The following ITGB6 variants were observed in gnomAD, a reference collection of about 807,000 sequenced individuals.
ITGB6 encodes integrin beta-6.
ITGB6 carries 80 observed loss-of-function variants against 84.5 expected under a neutral mutation model. The ratio of observed to expected loss-of-function variants is 0.95; its 90% CI spans 0.79 to 1.14. ITGB6 has a LOEUF of 1.14. ITGB6 is among the 50% of genes most tolerant of loss of function. The probability of loss-of-function intolerance (pLI) is 0.00; values close to 1 mark genes in which losing one functional copy is unlikely to be tolerated. For synonymous variants in ITGB6, 383 were observed against 354.9 expected, an observed-to-expected ratio of 1.08 and a Z score of -0.89; for missense variants, 1,006 against 968.0, an observed-to-expected ratio of 1.04 and a Z score of -0.52.
At chr2:160,171,308 G>T (rs1685189197) in intron 6 of ITGB6, among the ~76,000 whole-genome samples, 2 of 150,868 alleles carry the variant, frequency 1.3e-5, no homozygotes, top group African/African-American at 4.9e-5. Flanking sequence ...ATCTCAGACT[G>T]CTGCTTCAGA....
chr2:160,136,439 T>G (rs1179611496), intron 10 of ITGB6, among the ~76,000 whole-genome samples: 2 of 152,110 alleles, frequency 1.3e-5, no homozygotes, highest in Non-Finnish European at 2.9e-5. Flanking sequence ...AGGAACACTT[T>G]TACACTGTTG....
At chr2:160,178,980 A>G (rs1288144703) in intron 4 of ITGB6, 1 of 152,094 alleles carries the variant, frequency 6.6e-6, no homozygotes, top group Admixed American at 6.6e-5. Flanking sequence ...TACAGGCAAG[A>G]GTTCATTTTC....
intron 12 of ITGB6, among the ~76,000 whole-genome samples, chr2:160,121,051 A>G (rs1216450717): frequency 6.6e-6 from 1 of 152,090 alleles, no homozygotes; most frequent in African/African-American, 2.4e-5. Context: ...CCTAAAACTT[A>G]AAGTATAATG....
chr2:160,180,068 A>G (rs1685601320), intron 4 of ITGB6, among the ~76,000 whole-genome samples: 1 of 150,480 alleles, frequency 6.6e-6, no homozygotes, highest in African/African-American at 2.4e-5. Context: ...AGCCAAGATC[A>G]TGCCATTGCA....
intron 4 of ITGB6, among the ~76,000 whole-genome samples, chr2:160,180,810 G>A (rs34997211): frequency 0.046 from 6,929 of 152,220 alleles, 206 homozygotes; most frequent in Middle Eastern, 0.13. Context: ...ACTGGGACTG[G>A]TTAGACAATG....
intron 7 of ITGB6, among the ~76,000 whole-genome samples, chr2:160,162,579 AAAT>A (rs1431948303): frequency 6.6e-6 from 1 of 152,138 alleles, no homozygotes; most frequent in Non-Finnish European, 1.5e-5. Context: ...CAAAATGTTA[AAAT>A]GTGAGAAAAC....
At chr2:160,175,982 T>C (rs1685404270) in intron 4 of ITGB6, among the ~76,000 whole-genome samples, 2 of 152,204 alleles carry the variant, frequency 1.3e-5, no homozygotes, top group Admixed American at 6.5e-5. Flanking sequence ...TCTTTCACAC[T>C]GAGTAAGGAT....
At chr2:160,188,074 T>C (rs189487947) in intron 4 of ITGB6, among the ~76,000 whole-genome samples, 12 of 152,348 alleles carry the variant, frequency 7.9e-5, no homozygotes, top group Admixed American at 5.9e-4. Flanking sequence ...TTCCCGTTTA[T>C]AGGTAATGAG....
intron 7 of ITGB6, among the ~76,000 whole-genome samples, chr2:160,156,024 C>T (rs1640000889): frequency 6.6e-6 from 1 of 152,184 alleles, no homozygotes; most frequent in Non-Finnish European, 1.5e-5. Context: ...TAAGCACACT[C>T]TGTGATCTAG....
intron 12 of ITGB6, among the ~76,000 whole-genome samples, chr2:160,114,451 T>A (rs1012120012): frequency 6.6e-6 from 1 of 151,856 alleles, no homozygotes; most frequent in Non-Finnish European, 1.5e-5. Context: ...AAGGAAGAAA[T>A]GTGAAAACAG....
intron 9 of ITGB6, 84 bp from the exon 10 acceptor site, chr2:160,137,935 A>G (rs1273343475): frequency 5.8e-6 from 9 of 1,539,850 alleles, no homozygotes; most frequent in South Asian, 1.2e-5. Flanking sequence ...CAGCTTTGCC[A>G]AAAGCATTTA....
At chr2:160,157,085 C>G (rs972393671) in intron 7 of ITGB6, among the ~76,000 whole-genome samples, 11 of 152,164 alleles carry the variant, frequency 7.2e-5, no homozygotes, top group African/African-American at 2.7e-4. Flanking sequence ...AGATGCAGCT[C>G]TCCAGTCTCT....
chr2:160,103,701 A>G, intron 14 of ITGB6, among the ~76,000 whole-genome samples: 1 of 152,196 alleles, frequency 6.6e-6, no homozygotes, highest in East Asian at 1.9e-4. Flanking sequence ...GAGAGACTCC[A>G]TTGAAGAAAC....
intron 7 of ITGB6, among the ~76,000 whole-genome samples, chr2:160,154,387 A>T (rs964150219): frequency 1.6e-4 from 24 of 151,416 alleles, no homozygotes; most frequent in African/African-American, 5.8e-4. Flanking sequence ...GAACAATGAG[A>T]ACTCTTGGAC....
chr2:160,137,531 C>T lies in ITGB6; in HGVS notation c.1563G>A (p.Gln521=), dbSNP rs1683792258. ...CSGRGDCYCG[Q]CICHLSPYGN... is the part of the protein sequence containing the mutation. ...CATAGGGAGACAAGTGGCAGATACA[C>T]TGCCCACAGTAGCAGTCACCCCTTC... is the stretch of plus-strand genomic sequence containing the variant. The change falls in exon 10 of 15, where the codon CAG becomes CAA. Residue 521 remains glutamine (Q), a synonymous_variant. Transcript: ENST00000283249. The T allele has an allele frequency of 1.2e-6, 2 of 1,614,120 alleles. No individual in the cohort carries two copies. Among genetic ancestry groups the T allele is most frequent in the Admixed American group, 1.7e-5 (1 of 60,014 alleles).
At chr2:160,162,866 C>A (rs1199701625) in intron 7 of ITGB6, among the ~76,000 whole-genome samples, 1 of 152,154 alleles carries the variant, frequency 6.6e-6, no homozygotes, top group Non-Finnish European at 1.5e-5. Context: ...GTGATCCACC[C>A]ACCTCGGCCC....
In ITGB6 at chr2:160,196,226, C is replaced by T; in HGVS notation, c.336G>A (p.Lys112=). ...CAAATCCTAACATACCTGGTCTCAA[C>T]TTAAGGATCAAGCTTTGAGGCGCAA... The part of the protein sequence containing the change: ...VQIAPQSLIL[K]LRPGGAQTLQ... The change falls in exon 3 of 15, where the codon AAG becomes AAA. Residue 112 remains lysine, a synonymous_variant. Coordinates refer to ENST00000283249, the MANE Select transcript of ITGB6 (RefSeq NM_000888.5). 2 of 1,613,876 alleles carry T rather than the reference C, an allele frequency of 1.2e-6. No individual in the cohort carries two copies. Among genetic ancestry groups the T allele is most frequent in the South Asian group, 1.1e-5 (1 of 91,074 alleles).
intron 4 of ITGB6, among the ~76,000 whole-genome samples, chr2:160,182,669 G>A (rs1157065881): frequency 6.6e-6 from 1 of 152,062 alleles, no homozygotes; most frequent in East Asian, 1.9e-4. Flanking sequence ...CCCAAGAAGA[G>A]CAACTCCAAG....
chr2:160,110,977 A>G (rs1181070277), intron 13 of ITGB6, among the ~76,000 whole-genome samples: 8 of 152,194 alleles, frequency 5.3e-5, no homozygotes, highest in Admixed American at 5.2e-4. Context: ...CCTACTACAA[A>G]AGCATGGGGA....
Sources: allele counts gnomAD v4.1 joint callset (sites outside exome capture counted in the v4.1 genomes callset), GRCh38; gene constraint gnomAD v4.1.1; transcripts MANE v1.5; gene names NCBI Gene and HGNC (gene_info 2026-07-23, HGNC 2026-07-21).